The following PPP2R3B variants were observed in gnomAD, a reference collection of about 807,000 sequenced individuals.
PPP2R3B encodes the protein protein phosphatase 2 regulatory subunit B''beta.
In PPP2R3B, 68 loss-of-function variants were observed where a neutral mutation model predicts 72.9. The observed-to-expected ratio is 0.93, with a 90% CI of 0.77 to 1.14. The LOEUF is 1.14. PPP2R3B is among the 50% of genes most tolerant of loss of function. The pLI is 0.00. For missense variants in PPP2R3B, 1,018 were observed against 842.0 expected, an observed-to-expected ratio of 1.21 and a Z score of -2.59; for synonymous variants, 466 against 375.8, an observed-to-expected ratio of 1.24 and a Z score of -2.78.
chrX:381,878 A>G (rs753749111), intron 1 of PPP2R3B, among the ~76,000 whole-genome samples: 693 of 152,136 alleles, frequency 4.6e-3, no homozygotes, highest in Non-Finnish European at 7.8e-3. Context: ...GATCACAGGC[A>G]TGAGCCACCG....
intron 1 of PPP2R3B, among the ~76,000 whole-genome samples, chrX:384,982 C>CAAAAAAAAAA (rs773590401): frequency 1.6e-5 from 1 of 63,072 alleles, no homozygotes; most frequent in South Asian, 6.9e-4. Flanking sequence ...GAATCTGTCT[C>CAAAAAAAAAA]AAAAAAAAAA....
intron 7 of PPP2R3B, 45 bp downstream of exon 7, chrX:345,471 T>C: frequency 6.2e-7 from 1 of 1,609,716 alleles, no homozygotes; most frequent in Non-Finnish European, 8.5e-7. Flanking sequence ...GAGAAGGGTG[T>C]GCTCGGTGTC....
chrX:338,608 C>A lies in PPP2R3B; in HGVS notation c.1573G>T (p.Asp525Tyr). The stretch of plus-strand genomic sequence containing the variant: ...TCACCCGTCCTCCCCACTCACCCGT[C>A]CTCCCAGGGCTCTCCCGCAGTCTCC... ...AEETAGEPWE[D>Y]GFEAELSPVE... The change falls in exon 12 of 13, where the codon GAC becomes TAC. Residue 525 changes from aspartate (D) to tyrosine (Y), a missense_variant. Transcript: ENST00000390665. 6.2e-7 allele frequency: 1 copy of A among 1,608,728 alleles called. No homozygotes were observed. Among genetic ancestry groups the A allele is most frequent in the Middle Eastern group, 2.1e-4 (1 of 4,800 alleles).
In PPP2R3B at chrX:347,620, G is replaced by C; in HGVS notation, c.584C>G (p.Ser195Cys). 6.3e-7 allele frequency: 1 copy of C among 1,579,376 alleles called. No individual in the cohort carries two copies. The highest frequency in any genetic ancestry group is 8.6e-7 in the Non-Finnish European group (1 of 1,162,120). ...CCACATGGCGACGAACTTGTGGACG[G>C]ACACGGAGCCCGTGCGCTCCCCGCC... The part of the protein sequence containing the change: ...GAGGERTGSV[S>C]VHKFVAMWRK... Residue 195 changes from serine to cysteine, a missense_variant, in exon 3 of 13, where the codon TCC becomes TGC. Physicochemically the swap from Ser to Cys is moderately radical, Grantham distance 112. Coordinates refer to ENST00000390665, the MANE Select transcript of PPP2R3B (RefSeq NM_013239.5).
At chrX:360,563 G>A (rs1173961730) in intron 2 of PPP2R3B, among the ~76,000 whole-genome samples, 1 of 152,150 alleles carries the variant, frequency 6.6e-6, no homozygotes, top group South Asian at 2.1e-4. Flanking sequence ...ACAAAAACCT[G>A]CTCACTCCCG....
chrX:338,746 C>A (rs2738375), intron 11 of PPP2R3B, 32 bp downstream of exon 11: 1,249,934 of 1,611,388 alleles, frequency 0.78, 486,582 homozygotes, highest in Middle Eastern at 0.83. Flanking sequence ...CACGGCGTGG[C>A]GCGGCCCGGC....
chrX:373,587 C>T, intron 1 of PPP2R3B: 1 of 292,014 alleles, frequency 3.4e-6, no homozygotes. Flanking sequence ...GAAGTCGCAG[C>T]CGCGGGCCAG....
intron 1 of PPP2R3B, chrX:373,611 T>A (rs1285528943): frequency 3.4e-6 from 1 of 296,954 alleles, no homozygotes; most frequent in Admixed American, 3.3e-5. Context: ...GGCCAGCTCC[T>A]GGCGCAGGTC....
In PPP2R3B at chrX:386,782, G is replaced by A. The variant is rs2072267524; in HGVS notation, c.-91C>T. The A allele has an allele frequency of 6.3e-6, 5 of 789,476 alleles. No homozygotes were observed. The highest frequency in any genetic ancestry group is 4.9e-5 in the Admixed American group (1 of 20,392). 48.9% of individuals were successfully genotyped at this position (789,476 alleles called of 1,614,324 possible). On this transcript the variant is annotated 5_prime_UTR_variant, in exon 1 of 13. Transcript: ENST00000390665. Reference sequence around the variant, plus strand: ...CGCCCCGGACCGACCTCGGTGATGCGAGCACGGCCCGCTGAGGGGGCGCGG... The same window carrying A: ...CGCCCCGGACCGACCTCGGTGATGCAAGCACGGCCCGCTGAGGGGGCGCGG...
chrX:336,406 G>A (rs757897210), intron 12 of PPP2R3B: 1 of 152,122 alleles, frequency 6.6e-6, no homozygotes, highest in African/African-American at 2.4e-5. Flanking sequence ...TCGCCAATGA[G>A]CGTGCTTACC....
chrX:350,194 G>C (rs1364049811), intron 2 of PPP2R3B, among the ~76,000 whole-genome samples: 1 of 152,208 alleles, frequency 6.6e-6, no homozygotes, highest in African/African-American at 2.4e-5. Flanking sequence ...AGTTGGGACA[G>C]AGCCCCGTGG....
intron 10 of PPP2R3B, among the ~76,000 whole-genome samples, chrX:339,278 G>GGGT (rs1353819128): frequency 2.0e-5 from 3 of 149,496 alleles, no homozygotes; most frequent in Admixed American, 1.3e-4. Context: ...TGGCCGGGGG[G>GGGT]GGCAGGGCTG....
chrX:338,552 CACCCGTCCTCCCACTG>C lies in PPP2R3B; in HGVS notation c.1577+36_1577+51del, dbSNP rs1000674036. On this transcript the variant is annotated intron_variant, in intron 12 of 12. Transcript: ENST00000390665. ...CTCCCACTCACCCGTCCTCCCCACTCACCCGTCCTCCCACTGACCCGTCCCCCCACTCACCCGTCCT... is the reference window on the plus strand; with the variant it reads ...CTCCCACTCACCCGTCCTCCCCACTCACCCGTCCCCCCACTCACCCGTCCT... The C allele has an allele frequency of 3.7e-4, 425 of 1,149,772 alleles. 2 individuals carry two copies. The East Asian group carries it at 4.8e-3, about 13-fold the overall frequency. 71.2% of individuals were successfully genotyped at this position (1,149,772 alleles called of 1,614,324 possible).
intron 2 of PPP2R3B, among the ~76,000 whole-genome samples, chrX:351,931 G>A (rs1020227112): frequency 6.6e-6 from 1 of 152,128 alleles, no homozygotes; most frequent in Non-Finnish European, 1.5e-5. Context: ...TTGGCCGCAA[G>A]CCATCCTCCC....
At chrX:372,066 T>C (rs1052396675) in intron 1 of PPP2R3B, among the ~76,000 whole-genome samples, 1 of 152,080 alleles carries the variant, frequency 6.6e-6, no homozygotes, top group Non-Finnish European at 1.5e-5. Context: ...CTGAAGGGCT[T>C]CCTCATCCAG....
rs759092937 is a variant in PPP2R3B, at chrX:340,910, C to T, written c.1206G>A (p.Leu402=). Residue 402 remains leucine, a synonymous_variant, in exon 10 of 13, where the codon CTG becomes CTA. Transcript: ENST00000390665. ...SIEYWFRCMD[L]DGDGALSMFE... Reference sequence around the variant, plus strand: ...ACATGGACAGGGCGCCGTCCCCGTCCAGGTCCATGCAGCGGAACCAGTACT... The same window carrying T: ...ACATGGACAGGGCGCCGTCCCCGTCTAGGTCCATGCAGCGGAACCAGTACT... 5.0e-6 allele frequency: 8 copies of T among 1,611,766 alleles called. No homozygotes were observed. The African/African-American group carries it at 8.0e-5, about 16-fold the overall frequency.
At position 361,478 on chromosome X, in the gene PPP2R3B, C is replaced by T. The variant is rs754267346; in HGVS notation, c.437G>A (p.Ser146Asn). The T allele has an allele frequency of 6.2e-7, 1 of 1,614,008 alleles. No individual in the cohort carries two copies. Residue 146 changes from serine to asparagine, a missense_variant, in exon 2 of 13, where the codon AGC becomes AAC. Ser to Asn is a conservative substitution (Grantham distance 46). Transcript: ENST00000390665. ...CCGGGCGAAGGTGCTCTCGATCTTG[C>T]TGATGACGGCATCCACGTTGACGGA... The part of the protein sequence containing the change: ...QDSVNVDAVI[S>N]KIESTFARFP...
chrX:356,304 C>T (rs1378251076), intron 2 of PPP2R3B, among the ~76,000 whole-genome samples: 1 of 152,214 alleles, frequency 6.6e-6, no homozygotes, highest in Non-Finnish European at 1.5e-5. Context: ...CAACCTCCAC[C>T]TCCCAGGTTC....
chrX:371,662 G>A (rs1163204282), intron 1 of PPP2R3B, among the ~76,000 whole-genome samples: 2 of 152,122 alleles, frequency 1.3e-5, no homozygotes, highest in Admixed American at 6.5e-5. Flanking sequence ...GTCCGAAGGC[G>A]GAGGTGCGGC....
Sources: allele counts gnomAD v4.1 joint callset (sites outside exome capture counted in the v4.1 genomes callset), GRCh38; gene constraint gnomAD v4.1.1; transcripts MANE v1.5; gene names NCBI Gene and HGNC (gene_info 2026-07-23, HGNC 2026-07-21).